The following TEP1 variants were observed in gnomAD, a reference collection of about 807,000 sequenced individuals.
TEP1 encodes telomerase protein component 1.
A neutral mutation model predicts 306.3 loss-of-function variants in TEP1; 241 were observed. That is an observed-to-expected ratio of 0.79 (90% CI 0.71 to 0.88). The LOEUF (loss-of-function observed/expected upper bound fraction) is 0.88, where lower values mean the gene tolerates loss of function less well. TEP1 is among the 40% of genes least tolerant of loss of function. The pLI is 0.00. For synonymous variants in TEP1, 1,289 were observed against 1,305.5 expected (o/e 0.99, Z 0.27); for missense variants, 3,051 against 3,276.1 (o/e 0.93, Z 1.68).
chr14:20,380,432 G>A lies in TEP1; in HGVS notation c.4806C>T (p.Asp1602=), dbSNP rs375392756. ...TCAGGAAGGTGCGAAACACTGCAACGTCAGCCTCGGGGAGCTTTTGTTCCT... is the reference window on the plus strand; with the variant it reads ...TCAGGAAGGTGCGAAACACTGCAACATCAGCCTCGGGGAGCTTTTGTTCCT... ...PKEEQKLPEA[D]VAVFRTFLRQ... The change falls in exon 34 of 55, where the codon GAC becomes GAT. Residue 1602 remains aspartate (D), a synonymous_variant. Transcript: ENST00000262715. 61 of 1,613,952 alleles carry A rather than the reference G, an allele frequency of 3.8e-5. No homozygotes were observed. The African/African-American group carries it at 5.7e-4, about 15-fold the overall frequency.
chr14:20,373,436 G>A, intron 46 of TEP1, 34 bp from the exon 47 acceptor site: 2 of 1,614,034 alleles, frequency 1.2e-6, no homozygotes, highest in South Asian at 1.1e-5. Context: ...GCTCATGAGA[G>A]TGGGCACAAC....
chr14:20,371,284 C>T lies in TEP1; in HGVS notation c.7251G>A (p.Leu2417=). ...ATATGCCATACTCCTTGTGGGTGGACAATATCATAGGATTTTCTGTATAGC... is the reference window on the plus strand; with the variant it reads ...ATATGCCATACTCCTTGTGGGTGGATAATATCATAGGATTTTCTGTATAGC... ...WSSYTENPMI[L]STHKEYGIFV... The change falls in exon 51 of 55, where the codon TTG becomes TTA. Residue 2417 remains leucine (L), a synonymous_variant. Transcript: ENST00000262715. The T allele has an allele frequency of 6.2e-7, 1 of 1,614,104 alleles. No homozygotes were observed. Among genetic ancestry groups the T allele is most frequent in the Non-Finnish European group, 8.5e-7 (1 of 1,180,012 alleles).
At chr14:20,387,551 C>CAAA (rs34816712) in intron 18 of TEP1, among the ~76,000 whole-genome samples, 38,435 of 127,436 alleles carry the variant, frequency 0.3, 6,708 homozygotes, top group African/African-American at 0.43. Context: ...GACTCCGTCT[C>CAAA]AAAAAAAAAA....
In TEP1 at chr14:20,369,369, T is replaced by C. The variant is rs1884680976; in HGVS notation, c.7631A>G (p.His2544Arg). Residue 2544 changes from histidine (H) to arginine (R), a missense_variant, in exon 53 of 55, where the codon CAT becomes CGT. Physicochemically the swap from His to Arg is conservative, Grantham distance 29. Transcript: ENST00000262715. ...CTTTCTACGCTGCCGTGTCTTTAGA[T>C]GTGGTGTTGGCTCACTATCCATGCT... The part of the protein sequence containing the change: ...DASMDSEPTP[H>R]LKTRQRRKIH... The C allele has an allele frequency of 6.2e-7, 1 of 1,614,114 alleles. No individual in the cohort carries two copies. Among genetic ancestry groups the C allele is most frequent in the Admixed American group, 1.7e-5 (1 of 60,006 alleles).
In TEP1 at chr14:20,378,984, CA is replaced by C; in HGVS notation, c.5248del (p.Cys1750ValfsTer18). On this transcript the variant is annotated frameshift_variant, in exon 36 of 55. Transcript: ENST00000262715. LOFTEE classifies it high-confidence loss of function. ...LLELWDLQHG[C>X]RVLQTKAHQY... is the part of the protein sequence containing the mutation. ...ACAAATGGGGAGGACCCCTTACCGA[CA>C]ACCATGCTGCAGGTCCCAGAGCTCC... 1.2e-6 allele frequency: 2 copies of C among 1,614,200 alleles called. No homozygotes were observed. The highest frequency in any genetic ancestry group is 1.1e-5 in the South Asian group (1 of 91,086).
At chr14:20,408,872 G>A (rs2139209331) in intron 1 of TEP1, among the ~76,000 whole-genome samples, 2 of 151,744 alleles carry the variant, frequency 1.3e-5, no homozygotes, top group South Asian at 4.2e-4. Flanking sequence ...GGAGAGGAAG[G>A]GACATGCCTT....
At chr14:20,382,134 T>A in intron 29 of TEP1, 71 bp from the exon 30 acceptor site, 2 of 1,611,100 alleles carry the variant, frequency 1.2e-6, no homozygotes, top group Non-Finnish European at 1.7e-6. Flanking sequence ...ACCCAGTCTC[T>A]CCTTGAACTG....
At chr14:20,379,226 A>G (rs1333519053) in intron 35 of TEP1, 121 bp from the exon 36 acceptor site, 66 of 1,327,640 alleles carry the variant, frequency 5.0e-5, no homozygotes, top group Non-Finnish European at 6.8e-5. Context: ...TTGGCTCTCT[A>G]TGTTCCAAGT....
chr14:20,382,969 C>T (rs1876724193), intron 27 of TEP1, among the ~76,000 whole-genome samples: 1 of 152,368 alleles, frequency 6.6e-6, no homozygotes, highest in Admixed American at 6.5e-5. Flanking sequence ...CCCGAGAGGC[C>T]CTGGAAAGGC....
Position 20,376,137 on chromosome 14 carries a change from A to G in TEP1, c.6216T>C (p.Asp2072=), listed in dbSNP as rs1373079659. 1 of 1,614,170 alleles carries G rather than the reference A, an allele frequency of 6.2e-7. No individual in the cohort carries two copies. The highest frequency in any genetic ancestry group is 1.7e-5 in the Admixed American group (1 of 60,020). Residue 2072 remains aspartate (D), a synonymous_variant, in exon 42 of 55, where the codon GAT becomes GAC. Transcript: ENST00000262715. ...GPVSCCSFST[D]GGSLATGGRD... ...GGCCCCCGGTGGCCAGGCTGCCTCC[A>G]TCAGTGCTGAAACTACAGCAGCTCA... is the stretch of plus-strand genomic sequence containing the variant.
intron 20 of TEP1, among the ~76,000 whole-genome samples, chr14:20,385,315 T>C (rs1212389246): frequency 1.3e-5 from 2 of 152,228 alleles, no homozygotes; most frequent in African/African-American, 4.8e-5. Flanking sequence ...CTAACATTCA[T>C]TGAATGCCTG....
In TEP1 at chr14:20,401,203, G is replaced by C. The variant is rs189653961; in HGVS notation, c.1392-62C>G. The C allele has an allele frequency of 1.2e-3, 1,839 of 1,579,480 alleles. 6 individuals are homozygous for C. The highest frequency in any genetic ancestry group is 1.1e-3 in the Non-Finnish European group (1,273 of 1,159,426). ...GTCAGCAAGAAAATAACTCAGAAAAGGAAAGGTGAGTCATGTTTACAGGGC... is the reference window on the plus strand; with the variant it reads ...GTCAGCAAGAAAATAACTCAGAAAACGAAAGGTGAGTCATGTTTACAGGGC... On this transcript the variant is annotated intron_variant, in intron 8 of 54. Coordinates refer to ENST00000262715, the MANE Select transcript of TEP1 (RefSeq NM_007110.5).
intron 51 of TEP1, among the ~76,000 whole-genome samples, 199 bp downstream of exon 51, chr14:20,371,019 T>A (rs1409922505): frequency 6.6e-6 from 1 of 152,092 alleles, no homozygotes; most frequent in East Asian, 1.9e-4. Context: ...AACGGTAGAG[T>A]CCTTTCTTGT....
chr14:20,372,895 G>A (rs539777398), intron 48 of TEP1, 38 bp from the exon 49 acceptor site: 3 of 1,613,702 alleles, frequency 1.9e-6, no homozygotes, highest in African/African-American at 1.3e-5. Flanking sequence ...TGCTTCTGAT[G>A]AGCCAGGATG....
At chr14:20,407,560 C>T (rs1025800046) in intron 2 of TEP1, among the ~76,000 whole-genome samples, 3 of 152,166 alleles carry the variant, frequency 2.0e-5, no homozygotes, top group Non-Finnish European at 4.4e-5. Context: ...AGGCTGGTCT[C>T]GAACTCCTGG....
At chr14:20,409,245 C>A (rs1479613701) in intron 1 of TEP1, among the ~76,000 whole-genome samples, 2 of 152,184 alleles carry the variant, frequency 1.3e-5, no homozygotes, top group Non-Finnish European at 2.9e-5. Context: ...CCTTTGCTTT[C>A]CATGATGCTA....
chr14:20,387,760 G>A lies in TEP1; in HGVS notation c.2684+145C>T. The A allele has an allele frequency of 5.0e-6, 5 of 996,934 alleles. No individual in the cohort carries two copies. The South Asian group carries it at 9.6e-5, about 19-fold the overall frequency. The allele number at this position is 996,934 out of a possible 1,614,324, so 61.8% of individuals were successfully genotyped here. A position where few individuals can be genotyped will look rare whatever the true frequency, so the allele number is the denominator to read the frequency against. On this transcript the variant is annotated intron_variant, in intron 18 of 54. Coordinates refer to ENST00000262715, the MANE Select transcript of TEP1 (RefSeq NM_007110.5). ...CACAATCTGACAACTCCCTGTGGTAGAGAAACCTCCGCCTGAGAAAGAGGA... is the reference window on the plus strand; with the variant it reads ...CACAATCTGACAACTCCCTGTGGTAAAGAAACCTCCGCCTGAGAAAGAGGA...
rs1566488841 is a variant in TEP1, at chr14:20,410,594, T to A, written c.-24-2131A>T. Reference sequence around the variant, plus strand: ...CCCGCCACTATGCCCAGCTGATTTTTTTTTCTTTTTTTTTTTTTGTATTTT... The same window carrying A: ...CCCGCCACTATGCCCAGCTGATTTTATTTTCTTTTTTTTTTTTTGTATTTT... On this transcript the variant is annotated intron_variant, in intron 1 of 54. Coordinates refer to ENST00000262715, the MANE Select transcript of TEP1 (RefSeq NM_007110.5). 2.2e-5 allele frequency among the ~76,000 whole-genome samples: 3 copies of A among 139,046 alleles called. No homozygotes were observed. In the South Asian group the frequency reaches 6.5e-4, roughly 30 times the overall value. 91.2% of individuals were successfully genotyped at this position (139,046 alleles called of 152,430 possible). A position where few individuals can be genotyped will look rare whatever the true frequency, so the allele number is the denominator to read the frequency against.
At position 20,373,816 on chromosome 14, in the gene TEP1, C is replaced by A. The variant is rs370043327; in HGVS notation, c.6472-6G>T. ...ACAGACACCACGTGCTCCTCCTGCCCACAGAGCACAAGATCAGAGCAGAGT... is the reference window on the plus strand; with the variant it reads ...ACAGACACCACGTGCTCCTCCTGCCAACAGAGCACAAGATCAGAGCAGAGT... On this transcript the variant is annotated splice_polypyrimidine_tract_variant and splice_region_variant and intron_variant, in intron 44 of 54. Coordinates refer to ENST00000262715, the MANE Select transcript of TEP1 (RefSeq NM_007110.5). 6.2e-7 allele frequency: 1 copy of A among 1,612,288 alleles called. No individual in the cohort carries two copies. Among genetic ancestry groups the A allele is most frequent in the Non-Finnish European group, 8.5e-7 (1 of 1,179,676 alleles).
Sources: allele counts gnomAD v4.1 joint callset (sites outside exome capture counted in the v4.1 genomes callset), GRCh38; gene constraint gnomAD v4.1.1; transcripts MANE v1.5; gene names NCBI Gene and HGNC (gene_info 2026-07-23, HGNC 2026-07-21).